The following FBXO38 variants were observed in gnomAD, a reference collection of about 807,000 sequenced individuals.
The protein encoded by FBXO38 is F-box only protein 38.
Under a neutral mutation model 131.9 loss-of-function variants are expected in FBXO38, and 53 were observed. The ratio of observed to expected loss-of-function variants is 0.40; its 90% CI spans 0.32 to 0.51. FBXO38 has a LOEUF of 0.51. Among genes scored for constraint, FBXO38 ranks in the 20% least tolerant of loss-of-function variants. The pLI, the probability that FBXO38 is intolerant of heterozygous loss-of-function variation, is 0.53. For synonymous variants in FBXO38, 452 were observed against 505.6 expected (o/e 0.89, Z 1.42); for missense variants, 1,076 against 1,475.6 (o/e 0.73, Z 4.44).
At chr5:148,424,221 A>G in intron 13 of FBXO38, 104 bp downstream of exon 13, 3 of 1,133,946 alleles carry the variant, frequency 2.6e-6, no homozygotes, top group Non-Finnish European at 2.5e-6. Context: ...CTTTCAGCTA[A>G]TGATACGTTT....
rs1319261635 is a variant in FBXO38, at chr5:148,427,215, A to C, written c.1921A>C (p.Ser641Arg). The change falls in exon 15 of 22, where the codon AGT becomes CGT. Residue 641 changes from serine to arginine, a missense_variant and splice_region_variant. Transcript: ENST00000340253. ...ESVQSRELSV[S>R]GKGKTPLRKR... ...CGTTCTTCTTTTTCTATAAGCAGTA[A>C]GTGGAAAAGGCAAGACTCCACTTCG... 2.5e-6 allele frequency: 4 copies of C among 1,577,106 alleles called. No homozygotes were observed. In the East Asian group the frequency reaches 9.0e-5, roughly 36 times the overall value.
chr5:148,410,792 A>G (rs1002805347), intron 9 of FBXO38, 27 bp downstream of exon 9: 1 of 1,571,660 alleles, frequency 6.4e-7, no homozygotes, highest in Non-Finnish European at 8.6e-7. Context: ...TTTAATTCCT[A>G]GAATTACTGT....
Position 148,404,757 on chromosome 5 carries a change from A to G in FBXO38, c.665A>G (p.Lys222Arg), listed in dbSNP as rs773576916. The change falls in exon 6 of 22, where the codon AAA becomes AGA. Residue 222 changes from lysine to arginine, a missense_variant. By Grantham distance (26) the Lys-to-Arg change is conservative. Around this residue, in one of 8 missense-constraint regions of FBXO38, gnomAD observed 66 missense variants for 72.4 expected, o/e 0.91. Transcript: ENST00000340253. The stretch of plus-strand genomic sequence containing the variant: ...TATATGAAGTGGGTAAGACTCACTA[A>G]ACCACAGCCATTTAAAGACTTCCTT... ...HLYMKWVRLT[K>R]PQPFKDFLCI... is the part of the protein sequence containing the mutation. 1 of 1,608,550 alleles carries G rather than the reference A, an allele frequency of 6.2e-7. No homozygotes were observed. Among genetic ancestry groups the G allele is most frequent in the Non-Finnish European group, 8.5e-7 (1 of 1,178,258 alleles).
At chr5:148,407,116 T>C (rs992091228) in intron 7 of FBXO38, among the ~76,000 whole-genome samples, 1 of 152,200 alleles carries the variant, frequency 6.6e-6, no homozygotes, top group African/African-American at 2.4e-5. Flanking sequence ...ACACTACATT[T>C]CTAGACATTT....
chr5:148,404,541 A>G, intron 5 of FBXO38, 144 bp from the exon 6 acceptor site: 1 of 715,780 alleles, frequency 1.4e-6, no homozygotes, highest in Non-Finnish European at 2.1e-6. Context: ...GGCAAACTTG[A>G]TAGATTTTGT....
chr5:148,438,604 C>T (rs572525700), intron 18 of FBXO38, 106 bp downstream of exon 18: 13 of 1,146,562 alleles, frequency 1.1e-5, no homozygotes, highest in Non-Finnish European at 1.4e-5. Context: ...TTCACTTGCC[C>T]AACCTACAGT....
chr5:148,413,267 G>T (rs1344617771), intron 9 of FBXO38: 1 of 152,004 alleles, frequency 6.6e-6, no homozygotes, highest in Non-Finnish European at 1.5e-5. Flanking sequence ...TGGAGAAGAT[G>T]GATTGTTTTT....
intron 17 of FBXO38, among the ~76,000 whole-genome samples, chr5:148,437,191 T>G (rs921097045): frequency 1.3e-5 from 2 of 152,260 alleles, no homozygotes; most frequent in African/African-American, 4.8e-5. Flanking sequence ...CCAAATTGTT[T>G]GGCTCAGCTT....
chr5:148,394,943 A>C, intron 2 of FBXO38, 39 bp downstream of exon 2: 1 of 1,529,518 alleles, frequency 6.5e-7, no homozygotes, highest in Non-Finnish European at 8.8e-7. Context: ...CCTGGAATGG[A>C]TAAGAGCAAA....
At chr5:148,422,217 T>A (rs1753482788) in intron 12 of FBXO38, among the ~76,000 whole-genome samples, 1 of 152,206 alleles carries the variant, frequency 6.6e-6, no homozygotes, top group Non-Finnish European at 1.5e-5. Context: ...TAGAATAAGA[T>A]CCAGCTTCTT....
At chr5:148,417,311 C>T (rs1753117564) in intron 12 of FBXO38, 107 bp downstream of exon 12, 1 of 807,812 alleles carries the variant, frequency 1.2e-6, no homozygotes, top group Non-Finnish European at 2.1e-6. Flanking sequence ...TGTCACTTTC[C>T]ACATTGAGGA....
chr5:148,404,447 C>G (rs1431338047), intron 5 of FBXO38, among the ~76,000 whole-genome samples: 1 of 152,158 alleles, frequency 6.6e-6, no homozygotes, highest in Non-Finnish European at 1.5e-5. Context: ...TTTTTAAACT[C>G]TATCTTCCCA....
Position 148,420,126 on chromosome 5 carries a change from G to GTTT in FBXO38, c.1618+2922_1618+2923insTTT, listed in dbSNP as rs1394877299. Reference sequence around the variant, plus strand: ...ATAAATGATTACAGTTTTTTTGTGGGGTTTTTTTTTTTTTTTGAGACAGAG... The same window carrying GTTT: ...ATAAATGATTACAGTTTTTTTGTGGGTTTGTTTTTTTTTTTTTTTGAGACAGAG... On this transcript the variant is annotated intron_variant, in intron 12 of 21. Coordinates refer to ENST00000340253, the MANE Select transcript of FBXO38 (RefSeq NM_205836.3). Among the ~76,000 whole-genome samples, 4 of 146,026 alleles carry GTTT rather than the reference G, an allele frequency of 2.7e-5. 1 individual carries two copies. Among genetic ancestry groups the GTTT allele is most frequent in the African/African-American group, 2.6e-5 (1 of 39,040 alleles).
chr5:148,387,690 CT>C (rs142417126), intron 1 of FBXO38, among the ~76,000 whole-genome samples: 2,279 of 126,672 alleles, frequency 0.018, 26 homozygotes, highest in African/African-American at 0.06. Flanking sequence ...GAATTTATTT[CT>C]TTTTTTTTTT....
At position 148,442,319 on chromosome 5, in the gene FBXO38, A is replaced by G. The variant is rs1042088241; in HGVS notation, c.*172A>G. 2.3e-6 allele frequency: 1 copy of G among 442,726 alleles called. No homozygotes were observed. The highest frequency in any genetic ancestry group is 4.0e-6 in the Non-Finnish European group (1 of 253,060). 27.4% of individuals were successfully genotyped at this position (442,726 alleles called of 1,614,324 possible). A position where few individuals can be genotyped will look rare whatever the true frequency, so the allele number is the denominator to read the frequency against. ...GTATACAAAGATTTGTACATAAAAAATATACAAAGACGCTTCCTAAAGTAC... is the reference window on the plus strand; with the variant it reads ...GTATACAAAGATTTGTACATAAAAAGTATACAAAGACGCTTCCTAAAGTAC... On this transcript the variant is annotated 3_prime_UTR_variant, in exon 22 of 22. Transcript: ENST00000340253.
chr5:148,407,325 A>G (rs1452332535), intron 7 of FBXO38, among the ~76,000 whole-genome samples: 1 of 152,192 alleles, frequency 6.6e-6, no homozygotes, highest in Non-Finnish European at 1.5e-5. Flanking sequence ...TAAAGGTCCT[A>G]AAAGAAAAAC....
At chr5:148,412,343 A>G (rs184840087) in intron 9 of FBXO38, among the ~76,000 whole-genome samples, 1 of 151,766 alleles carries the variant, frequency 6.6e-6, no homozygotes, top group African/African-American at 2.4e-5. Context: ...GCTCACTCAC[A>G]CTCTCTCACT....
intron 5 of FBXO38, 124 bp downstream of exon 5, chr5:148,402,637 G>A (rs1388667344): frequency 1.2e-6 from 1 of 848,122 alleles, no homozygotes; most frequent in African/African-American, 1.7e-5. Flanking sequence ...CAAAATAAAT[G>A]TTTGCAAGAT....
chr5:148,414,910 A>G (rs1349445061), intron 10 of FBXO38, among the ~76,000 whole-genome samples: 1 of 152,176 alleles, frequency 6.6e-6, no homozygotes, highest in East Asian at 1.9e-4. Flanking sequence ...AAACCATTAA[A>G]TAAATTGAGA....
Sources: allele counts gnomAD v4.1 joint callset (sites outside exome capture counted in the v4.1 genomes callset), GRCh38; gene constraint gnomAD v4.1.1; regional missense constraint gnomAD v4.1.1; transcripts MANE v1.5; gene names NCBI Gene and HGNC (gene_info 2026-07-23, HGNC 2026-07-21).